The following CDH13 variants were observed in gnomAD, a reference collection of about 807,000 sequenced individuals.
CDH13 encodes the protein cadherin-13.
A neutral mutation model predicts 63.8 loss-of-function variants in CDH13; 24 were observed. The observed-to-expected ratio is 0.38, with a 90% CI of 0.27 to 0.53. The LOEUF is 0.53. Ranked by LOEUF, CDH13 falls within the 20% of genes least tolerant of loss-of-function variation. CDH13 has a pLI of 0.85. For missense variants in CDH13, 1,049 were observed against 903.1 expected (o/e 1.16, Z -2.07); for synonymous variants, 503 against 355.3 (o/e 1.42, Z -4.67).
At chr16:83,616,538 A>G (rs911205649) in intron 8 of CDH13, among the ~76,000 whole-genome samples, 1 of 152,018 alleles carries the variant, frequency 6.6e-6, no homozygotes, top group African/African-American at 2.4e-5. Context: ...GCCTCTGAAG[A>G]CTTCATCCAC....
At chr16:83,064,019 G>A (rs2031798634) in intron 3 of CDH13, among the ~76,000 whole-genome samples, 1 of 152,128 alleles carries the variant, frequency 6.6e-6, no homozygotes, top group Admixed American at 6.5e-5. Context: ...AAAGTCAGAT[G>A]AGTGTATGAG....
chr16:83,239,368 C>G (rs1158379778), intron 5 of CDH13, among the ~76,000 whole-genome samples: 2 of 152,174 alleles, frequency 1.3e-5, no homozygotes, highest in Non-Finnish European at 2.9e-5. Context: ...TTTCTAAACA[C>G]AGATTATACA....
At chr16:83,553,683 A>G (rs1056682815) in intron 7 of CDH13, among the ~76,000 whole-genome samples, 1 of 152,142 alleles carries the variant, frequency 6.6e-6, no homozygotes, top group African/African-American at 2.4e-5. Context: ...CAGCCTCCCA[A>G]GTAGTTGGGA....
At chr16:83,167,139 C>G (rs971550602) in intron 4 of CDH13, among the ~76,000 whole-genome samples, 1 of 151,754 alleles carries the variant, frequency 6.6e-6, no homozygotes, top group African/African-American at 2.4e-5. Flanking sequence ...GTGGTACTTC[C>G]CTGCTATTTA....
intron 7 of CDH13, among the ~76,000 whole-genome samples, chr16:83,513,579 C>G (rs1303292456): frequency 3.9e-5 from 6 of 152,146 alleles, no homozygotes; most frequent in Non-Finnish European, 5.9e-5. Flanking sequence ...GTCAACCGTC[C>G]TTCTTCACAG....
chr16:82,995,660 G>A (rs972668707), intron 2 of CDH13, among the ~76,000 whole-genome samples: 11 of 152,036 alleles, frequency 7.2e-5, no homozygotes, highest in East Asian at 1.9e-4. Flanking sequence ...ATGGTGTATC[G>A]TAAAAACACA....
At chr16:83,089,340 C>T (rs1597313854) in intron 3 of CDH13, among the ~76,000 whole-genome samples, 1 of 152,130 alleles carries the variant, frequency 6.6e-6, no homozygotes, top group African/African-American at 2.4e-5. Flanking sequence ...ATGTCATGGC[C>T]ATATTGTTTA....
At chr16:83,039,901 C>G (rs936344749) in intron 3 of CDH13, among the ~76,000 whole-genome samples, 3 of 152,096 alleles carry the variant, frequency 2.0e-5, no homozygotes, top group African/African-American at 7.2e-5. Context: ...CAGAACCAGC[C>G]AAGATTTTCC....
At chr16:82,977,649 T>G (rs1381004320) in intron 2 of CDH13, among the ~76,000 whole-genome samples, 1 of 152,170 alleles carries the variant, frequency 6.6e-6, no homozygotes, top group Non-Finnish European at 1.5e-5. Context: ...CTCTTTCCTT[T>G]ATAAATTACC....
intron 3 of CDH13, among the ~76,000 whole-genome samples, chr16:83,069,988 A>C (rs758956458): frequency 6.6e-6 from 1 of 152,190 alleles, no homozygotes; most frequent in Non-Finnish European, 1.5e-5. Flanking sequence ...AATTGGGCCA[A>C]TGGCACTTTA....
At position 83,602,606 on chromosome 16, in the gene CDH13, T is replaced by G. The variant is rs1907957152; in HGVS notation, c.1101+12T>G. On this transcript the variant is annotated intron_variant, in intron 8 of 13. Coordinates refer to ENST00000567109, the MANE Select transcript of CDH13 (RefSeq NM_001257.5). ...TCACCAAGAAAGAGGTAAACCCCTG[T>G]GCCAAACACCAACCACCACTGTGGT... 1 of 1,613,784 alleles carries G rather than the reference T, an allele frequency of 6.2e-7. No homozygotes were observed. Among genetic ancestry groups the G allele is most frequent in the Middle Eastern group, 1.7e-4 (1 of 6,060 alleles).
chr16:83,372,329 T>C (rs796900855), intron 6 of CDH13, among the ~76,000 whole-genome samples: 3 of 152,336 alleles, frequency 2.0e-5, no homozygotes, highest in African/African-American at 7.2e-5. Context: ...CTGTGTTGTA[T>C]CTCAAATCAT....
intron 3 of CDH13, among the ~76,000 whole-genome samples, chr16:83,088,804 G>T (rs943831908): frequency 2.0e-5 from 3 of 152,158 alleles, no homozygotes; most frequent in African/African-American, 4.8e-5. Context: ...CCAGCATTTA[G>T]AAGCTGGTGG....
intron 11 of CDH13, 127 bp from the exon 12 acceptor site, chr16:83,779,841 G>C (rs1162086540): frequency 1.5e-6 from 1 of 651,294 alleles, no homozygotes. Flanking sequence ...CTGGGCGATA[G>C]AGTGAGACCC....
At position 83,587,600 on chromosome 16, in the gene CDH13, G is replaced by A. The variant is rs561841365; in HGVS notation, c.961-14854G>A. On this transcript the variant is annotated intron_variant, in intron 7 of 13. Coordinates refer to ENST00000567109, the MANE Select transcript of CDH13 (RefSeq NM_001257.5). The stretch of plus-strand genomic sequence containing the variant: ...GAGTGCCGCCCTTCTAACTGCACTT[G>A]ATTTGGGGAAGAAGAAAGAAAAAGA... 2.9e-3 allele frequency among the ~76,000 whole-genome samples: 439 copies of A among 152,226 alleles called. 1 individual carries two copies. Among genetic ancestry groups the A allele is most frequent in the African/African-American group, 1.0e-2 (415 of 41,544 alleles).
intron 5 of CDH13, among the ~76,000 whole-genome samples, chr16:83,309,511 G>A (rs571511765): frequency 1.3e-5 from 2 of 152,300 alleles, no homozygotes; most frequent in Admixed American, 6.5e-5. Context: ...TGAGGAGGTG[G>A]GATTACAGGC....
At chr16:82,781,770 CTG>C (rs1567527631) in intron 1 of CDH13, among the ~76,000 whole-genome samples, 1 of 152,192 alleles carries the variant, frequency 6.6e-6, no homozygotes, top group African/African-American at 2.4e-5. Flanking sequence ...GTTGGCAAAA[CTG>C]TAAGCATTGG....
At chr16:83,691,424 G>T (rs970997891) in intron 10 of CDH13, among the ~76,000 whole-genome samples, 3 of 152,118 alleles carry the variant, frequency 2.0e-5, no homozygotes, top group African/African-American at 7.2e-5. Context: ...TAGGGCTGTG[G>T]CCAAGCCCTG....
chr16:83,464,428 C>G (rs888943466), intron 6 of CDH13, among the ~76,000 whole-genome samples: 25 of 152,194 alleles, frequency 1.6e-4, no homozygotes, highest in Non-Finnish European at 2.6e-4. Context: ...AGGAGAATCG[C>G]TTGAACCGAG....
Sources: allele counts gnomAD v4.1 joint callset (sites outside exome capture counted in the v4.1 genomes callset), GRCh38; gene constraint gnomAD v4.1.1; transcripts MANE v1.5; gene names NCBI Gene and HGNC (gene_info 2026-07-23, HGNC 2026-07-21).